Variants in CTNNA3 observed in about 807,000 individuals in gnomAD.
CTNNA3 encodes catenin alpha 3.
In CTNNA3, 76 loss-of-function variants were observed where a neutral mutation model predicts 95.7. The observed-to-expected ratio is 0.79, with a 90% CI of 0.66 to 0.96. The LOEUF is 0.96. Among genes scored for constraint, CTNNA3 ranks in the 40% least tolerant of loss-of-function variants. The pLI, the probability that CTNNA3 is intolerant of heterozygous loss-of-function variation, is 0.00. For missense variants in CTNNA3, 1,191 were observed against 1,089.8 expected, an observed-to-expected ratio of 1.09 and a Z score of -1.31; for synonymous variants, 431 against 374.4, an observed-to-expected ratio of 1.15 and a Z score of -1.74.
At chr10:67,538,156 C>CAAAAAAAAA (rs1840543268) in intron 4 of CTNNA3, among the ~76,000 whole-genome samples, 1 of 23,146 alleles carries the variant, frequency 4.3e-5, no homozygotes, top group African/African-American at 2.8e-4. Flanking sequence ...GCTACTTAAA[C>CAAAAAAAAA]TAAAAAAAAA....
intron 7 of CTNNA3, chr10:67,099,428 AC>A (rs1858206073): frequency 6.6e-6 from 1 of 151,776 alleles, no homozygotes; most frequent in Admixed American, 6.6e-5. Flanking sequence ...GATTGACAAT[AC>A]ATCAATCTAA....
Position 66,331,064 on chromosome 10 carries a change from T to G in CTNNA3, c.1732+48088A>C, listed in dbSNP as rs569787257. On this transcript the variant is annotated intron_variant, in intron 12 of 17. Transcript: ENST00000433211. The stretch of plus-strand genomic sequence containing the variant: ...TTTCTTTTGCTGTGCAGAAGCTCTT[T>G]AGTTTAATTAGATCCCATTTGTCAA... Among the ~76,000 whole-genome samples, 176 of 152,176 alleles carry G rather than the reference T, an allele frequency of 1.2e-3. 3 individuals are homozygous for G. Among genetic ancestry groups the G allele is most frequent in the African/African-American group, 1.9e-3 (81 of 41,560 alleles).
At chr10:66,317,328 C>T (rs1396535177) in intron 12 of CTNNA3, among the ~76,000 whole-genome samples, 2 of 151,914 alleles carry the variant, frequency 1.3e-5, no homozygotes, top group South Asian at 2.1e-4. Context: ...CTACATAATT[C>T]CTCATTTATT....
chr10:67,703,812 A>G (rs539475239), intron 1 of CTNNA3, among the ~76,000 whole-genome samples: 52 of 152,318 alleles, frequency 3.4e-4, no homozygotes, highest in South Asian at 2.1e-3. Context: ...AGGGTGTTCA[A>G]TTAGGAAAAG....
At chr10:66,515,666 C>T (rs1840824382) in intron 11 of CTNNA3, among the ~76,000 whole-genome samples, 1 of 152,020 alleles carries the variant, frequency 6.6e-6, no homozygotes, top group African/African-American at 2.4e-5. Context: ...AGGAAACTTA[C>T]AATCATGGTG....
At chr10:67,540,744 C>T (rs1283454271) in intron 3 of CTNNA3, among the ~76,000 whole-genome samples, 1 of 151,658 alleles carries the variant, frequency 6.6e-6, no homozygotes, top group Admixed American at 6.6e-5. Flanking sequence ...AATATAGAGC[C>T]TTTAGCAAGT....
intron 13 of CTNNA3, among the ~76,000 whole-genome samples, chr10:66,159,188 T>C (rs1205196810): frequency 6.6e-6 from 1 of 152,104 alleles, no homozygotes; most frequent in African/African-American, 2.4e-5. Flanking sequence ...GGACTTCCAG[T>C]ACTATGTTGC....
chr10:66,439,658 G>A (rs372412718), intron 11 of CTNNA3, among the ~76,000 whole-genome samples: 5 of 151,900 alleles, frequency 3.3e-5, no homozygotes, highest in Admixed American at 1.3e-4. Context: ...AGGAATATCC[G>A]GCTAATAAAT....
chr10:66,755,206 A>G lies in CTNNA3; in HGVS notation c.1281+11058T>C, dbSNP rs546180512. 1.4e-4 allele frequency among the ~76,000 whole-genome samples: 22 copies of G among 152,310 alleles called. 1 individual carries two copies. In the South Asian group the frequency reaches 4.1e-3, roughly 29 times the overall value. On this transcript the variant is annotated intron_variant, in intron 9 of 17. Coordinates refer to ENST00000433211, the MANE Select transcript of CTNNA3 (RefSeq NM_013266.4). ...TTATGCCAAGTGAAAAACAAGTCAT[A>G]AAGACCACATATTGTATGGTTCCTT... is the stretch of plus-strand genomic sequence containing the variant.
intron 7 of CTNNA3, among the ~76,000 whole-genome samples, chr10:66,853,991 G>A (rs923885128): frequency 7.2e-5 from 11 of 152,016 alleles, no homozygotes; most frequent in Non-Finnish European, 1.2e-4. Flanking sequence ...AACCATTTGC[G>A]ATTATGCTAT....
intron 15 of CTNNA3, among the ~76,000 whole-genome samples, chr10:66,054,174 T>C (rs1261925010): frequency 6.6e-6 from 1 of 152,212 alleles, no homozygotes; most frequent in Non-Finnish European, 1.5e-5. Flanking sequence ...TTGTGAATAA[T>C]GCTGCAATAA....
intron 4 of CTNNA3, among the ~76,000 whole-genome samples, chr10:67,535,905 G>C (rs940978220): frequency 6.6e-6 from 1 of 152,050 alleles, no homozygotes; most frequent in African/African-American, 2.4e-5. Context: ...TTCAGAAGAG[G>C]TGATGTTCAG....
chr10:66,830,795 G>C (rs1842691858), intron 7 of CTNNA3, among the ~76,000 whole-genome samples: 1 of 151,870 alleles, frequency 6.6e-6, no homozygotes, highest in South Asian at 2.1e-4. Flanking sequence ...ATTTTTAGTA[G>C]AGACAGGGTT....
At chr10:65,948,213 G>A (rs766503785) in intron 17 of CTNNA3, among the ~76,000 whole-genome samples, 89 of 150,608 alleles carry the variant, frequency 5.9e-4, no homozygotes, top group Non-Finnish European at 9.9e-4. Context: ...CCCGGGAGGC[G>A]GAGCTTGCAG....
chr10:66,123,420 G>A (rs1206034767), intron 13 of CTNNA3, among the ~76,000 whole-genome samples: 1 of 152,150 alleles, frequency 6.6e-6, no homozygotes, highest in Non-Finnish European at 1.5e-5. Context: ...CAGGGTACAG[G>A]CTCCCTCTCG....
chr10:66,129,410 G>A (rs762225749), intron 13 of CTNNA3, among the ~76,000 whole-genome samples: 8 of 152,200 alleles, frequency 5.3e-5, no homozygotes, highest in Non-Finnish European at 1.2e-4. Context: ...TTAGAGAAGT[G>A]GTAGGATCAG....
intron 7 of CTNNA3, among the ~76,000 whole-genome samples, chr10:67,116,287 G>A (rs1859186023): frequency 6.6e-6 from 1 of 152,030 alleles, no homozygotes; most frequent in South Asian, 2.1e-4. Flanking sequence ...TTATTCAGAT[G>A]ATAGAATGTT....
Position 67,055,840 on chromosome 10 carries a change from A to G in CTNNA3, c.1047+124477T>C, listed in dbSNP as rs189372388. On this transcript the variant is annotated intron_variant, in intron 7 of 17. Transcript: ENST00000433211. ...CCCAACAACCTCCATATCCCTAATG[A>G]TAAGTTGCCACTGTAAATGGCTGTT... 1.2e-3 allele frequency among the ~76,000 whole-genome samples: 177 copies of G among 152,278 alleles called. 1 individual carries two copies. The highest frequency in any genetic ancestry group is 4.1e-3 in the African/African-American group (169 of 41,562).
intron 7 of CTNNA3, among the ~76,000 whole-genome samples, chr10:67,110,818 AT>A (rs1858879417): frequency 6.6e-6 from 1 of 152,186 alleles, no homozygotes; most frequent in South Asian, 2.1e-4. Context: ...ATCTGTTATA[AT>A]TTTTAAAAAA....
Sources: allele counts gnomAD v4.1 joint callset (sites outside exome capture counted in the v4.1 genomes callset), GRCh38; gene constraint gnomAD v4.1.1; transcripts MANE v1.5; gene names NCBI Gene and HGNC (gene_info 2026-07-23, HGNC 2026-07-21).